Variants in PHF24 observed in about 807,000 individuals in gnomAD.
PHF24 encodes the protein Galpha inhibitory interacting protein.
Under a neutral mutation model 42.6 loss-of-function variants are expected in PHF24, and 25 were observed. The observed-to-expected ratio is 0.59, with a 90% CI of 0.43 to 0.82. The LOEUF (loss-of-function observed/expected upper bound fraction) is 0.82, where lower values mean the gene tolerates loss of function less well. Among genes scored for constraint, PHF24 ranks in the 40% least tolerant of loss-of-function variants. PHF24 has a pLI of 0.00. For missense variants in PHF24, 470 were observed against 538.1 expected (o/e 0.87, Z 1.25); for synonymous variants, 185 against 204.8 (o/e 0.90, Z 0.83).
chr9:34,726,941 G>A, the PHF24 span: 1 of 1,551,486 alleles, frequency 6.4e-7, no homozygotes, highest in Non-Finnish European at 8.7e-7. Flanking sequence ...GCAGGGATCT[G>A]CACACAGGAT....
chr9:34,693,007 G>A, the PHF24 span, among the ~76,000 whole-genome samples: 10 of 152,030 alleles, frequency 6.6e-5, no homozygotes, highest in Non-Finnish European at 1.3e-4. Context: ...GGCTGGTTTC[G>A]AACTCCTGGT....
the PHF24 span, among the ~76,000 whole-genome samples, chr9:34,762,208 A>G: frequency 1.3e-5 from 2 of 151,824 alleles, no homozygotes. Context: ...TTGGGTATAT[A>G]CCCAGTAATG....
the PHF24 span, chr9:34,893,265 C>T: frequency 6.9e-6 from 3 of 431,846 alleles, no homozygotes; most frequent in Non-Finnish European, 1.2e-5. Flanking sequence ...CTGGAGCCTA[C>T]ACTCTCTTGT....
the PHF24 span, among the ~76,000 whole-genome samples, chr9:34,821,163 T>G: frequency 6.6e-6 from 1 of 152,226 alleles, no homozygotes; most frequent in Non-Finnish European, 1.5e-5. Context: ...TTAGAACATT[T>G]ACATTTAAGG....
the PHF24 span, among the ~76,000 whole-genome samples, chr9:34,821,909 A>C: frequency 1.3e-5 from 2 of 152,242 alleles, no homozygotes; most frequent in Admixed American, 1.3e-4. Context: ...AAATCCCTTC[A>C]ATAAACCCAT....
chr9:34,968,372 C>A (rs1402722659), intron 1 of PHF24, among the ~76,000 whole-genome samples: 1 of 152,172 alleles, frequency 6.6e-6, no homozygotes, highest in Non-Finnish European at 1.5e-5. Flanking sequence ...GGCATGAATA[C>A]CCTAAATGAT....
the PHF24 span, among the ~76,000 whole-genome samples, chr9:34,817,873 G>A: frequency 6.6e-6 from 1 of 152,128 alleles, no homozygotes; most frequent in Non-Finnish European, 1.5e-5. Flanking sequence ...AAAATCAATT[G>A]GCCATATATG....
chr9:34,727,988 G>C, the PHF24 span: 1 of 1,544,434 alleles, frequency 6.5e-7, no homozygotes, highest in Non-Finnish European at 8.8e-7. Context: ...AGGCCAGGCT[G>C]GTTGTTGATA....
chr9:34,915,351 A>G, the PHF24 span, among the ~76,000 whole-genome samples: 1 of 151,084 alleles, frequency 6.6e-6, no homozygotes, highest in Non-Finnish European at 1.5e-5. Flanking sequence ...TTCAGGGATG[A>G]TAGTTCTATT....
the PHF24 span, among the ~76,000 whole-genome samples, chr9:34,710,657 A>C: frequency 3.3e-5 from 5 of 150,478 alleles, no homozygotes; most frequent in Admixed American, 2.7e-4. Flanking sequence ...TTTTTTGTAG[A>C]GACGAGGTTT....
chr9:34,690,988 C>T, the PHF24 span: 3 of 1,028,952 alleles, frequency 2.9e-6, no homozygotes, highest in Admixed American at 7.3e-5. Context: ...TTTGCCTGAA[C>T]TCACCATGTC....
chr9:34,973,041 G>A (rs772866655), intron 3 of PHF24, among the ~76,000 whole-genome samples: 44 of 152,082 alleles, frequency 2.9e-4, no homozygotes, highest in Admixed American at 1.0e-3. Context: ...GTGCATTGTA[G>A]GATGTTTAGC....
the PHF24 span, chr9:34,690,097 C>T: frequency 6.3e-7 from 1 of 1,588,988 alleles, no homozygotes; most frequent in South Asian, 1.1e-5. Context: ...GAACCTGTTT[C>T]AGGGATTTCC....
the PHF24 span, chr9:34,709,812 C>T: frequency 7.4e-6 from 12 of 1,614,246 alleles, no homozygotes; most frequent in Admixed American, 3.3e-5. Flanking sequence ...AGCTTGGTTC[C>T]TGCTTCCGGT....
the PHF24 span, among the ~76,000 whole-genome samples, chr9:34,733,379 A>G: frequency 2.0e-5 from 3 of 152,180 alleles, no homozygotes; most frequent in South Asian, 2.1e-4. Context: ...GAAATTATAT[A>G]TGTATCAGAA....
the PHF24 span, among the ~76,000 whole-genome samples, chr9:34,673,920 C>T: frequency 1.1e-4 from 16 of 152,146 alleles, no homozygotes; most frequent in Non-Finnish European, 2.9e-5. Flanking sequence ...CGCACCTGGC[C>T]AGCCTGGCTA....
chr9:34,739,780 T>A, the PHF24 span, among the ~76,000 whole-genome samples: 4 of 152,070 alleles, frequency 2.6e-5, no homozygotes, highest in Non-Finnish European at 5.9e-5. Flanking sequence ...TACCCCAGCG[T>A]GTTGCCGCTG....
intron 1 of PHF24, among the ~76,000 whole-genome samples, chr9:34,964,669 GGT>G (rs1826707044): frequency 6.6e-6 from 1 of 152,088 alleles, no homozygotes; most frequent in Admixed American, 6.5e-5. Flanking sequence ...GCAGAAAATG[GGT>G]GTGTCTTGCA....
At chr9:34,837,169 TAG>T in the PHF24 span, 1 of 469,914 alleles carries the variant, frequency 2.1e-6, no homozygotes, top group African/African-American at 2.0e-5. Flanking sequence ...AGTGGCATGG[TAG>T]AGTTTTCAGA....
Sources: allele counts gnomAD v4.1 joint callset (sites outside exome capture counted in the v4.1 genomes callset), GRCh38; gene constraint gnomAD v4.1.1; transcripts MANE v1.5; gene names NCBI Gene and HGNC (gene_info 2026-07-23, HGNC 2026-07-21).